Variants in EFNA3 observed in about 807,000 individuals in gnomAD.
EFNA3 encodes the protein ephrin-A3.
In EFNA3, 15 loss-of-function variants were observed where a neutral mutation model predicts 25.0. The ratio of observed to expected loss-of-function variants is 0.60; its 90% CI spans 0.40 to 0.92. The LOEUF (loss-of-function observed/expected upper bound fraction) is 0.92, where lower values mean the gene tolerates loss of function less well. EFNA3 is among the 40% of genes least tolerant of loss of function. The pLI is 0.00. For synonymous variants in EFNA3, 153 were observed against 145.6 expected (o/e 1.05, Z -0.37); for missense variants, 298 against 323.8 (o/e 0.92, Z 0.61).
Position 155,081,372 on chromosome 1 carries a change from G to C in EFNA3, c.128+2303G>C, listed in dbSNP as rs1028040685. 6.6e-6 allele frequency among the ~76,000 whole-genome samples: 1 copy of C among 152,246 alleles called. No homozygotes were observed. The highest frequency in any genetic ancestry group is 2.1e-4 in the South Asian group (1 of 4,836). Reference sequence around the variant, plus strand: ...CGAACTTGGTGAGGGGGGTTGGGACGGCCGATGGCCAAATATATGCCCCCT... The same window carrying C: ...CGAACTTGGTGAGGGGGGTTGGGACCGCCGATGGCCAAATATATGCCCCCT... On this transcript the variant is annotated intron_variant, in intron 1 of 4. Coordinates refer to ENST00000368408, the MANE Select transcript of EFNA3 (RefSeq NM_004952.5). The surrounding 1 kb of genome is among the most constrained non-coding windows in gnomAD (Gnocchi z 5.2).
Position 155,085,779 on chromosome 1 carries a change from C to G in EFNA3, c.443-98C>G. ...AGGGGAGCTCCTGAAGGAGACCGCC[C>G]GACGGGGACAGTTTGGAGGGGGTGA... On this transcript the variant is annotated intron_variant, in intron 2 of 4. Coordinates refer to ENST00000368408, the MANE Select transcript of EFNA3 (RefSeq NM_004952.5). This position sits in a 1 kb window ranked among gnomAD's most constrained non-coding sequence, Gnocchi z 4.4. 6.9e-7 allele frequency: 1 copy of G among 1,451,322 alleles called. No homozygotes were observed. Among genetic ancestry groups the G allele is most frequent in the South Asian group, 1.2e-5 (1 of 80,324 alleles). The allele number at this position is 1,451,322 out of a possible 1,614,324, so 89.9% of individuals were successfully genotyped here.
In EFNA3 at chr1:155,081,995, C is replaced by T. The variant is rs761675818; in HGVS notation, c.128+2926C>T. ...GGTGTCGGGCGCGCTGATTCTCCCC[C>T]ACCCGACGCGGCCCAGGGAAGCCTT... is the stretch of plus-strand genomic sequence containing the variant. On this transcript the variant is annotated intron_variant, in intron 1 of 4. Transcript: ENST00000368408. This position sits in a 1 kb window ranked among gnomAD's most constrained non-coding sequence, Gnocchi z 5.2. 6.6e-6 allele frequency among the ~76,000 whole-genome samples: 1 copy of T among 152,202 alleles called. No individual in the cohort carries two copies. The highest frequency in any genetic ancestry group is 1.5e-5 in the Non-Finnish European group (1 of 68,026).
At position 155,080,094 on chromosome 1, in the gene EFNA3, GTGTCTGTGTGT is replaced by G. The variant is rs1282157589; in HGVS notation, c.128+1027_128+1037del. Among the ~76,000 whole-genome samples the G allele has an allele frequency of 6.6e-6, 1 of 152,142 alleles. No individual in the cohort carries two copies. Among genetic ancestry groups the G allele is most frequent in the East Asian group, 1.9e-4 (1 of 5,184 alleles). On this transcript the variant is annotated intron_variant, in intron 1 of 4. Coordinates refer to ENST00000368408, the MANE Select transcript of EFNA3 (RefSeq NM_004952.5). This position sits in a 1 kb window ranked among gnomAD's most constrained non-coding sequence, Gnocchi z 7.0. ...TGTATCTCCCTGGCCACATCAGTGT[GTGTCTGTGTGT>G]TAGTAGGGGGAGATCCCTGGGGACG... is the stretch of plus-strand genomic sequence containing the variant.
chr1:155,081,855 C>T lies in EFNA3; in HGVS notation c.128+2786C>T, dbSNP rs1663348298. Among the ~76,000 whole-genome samples, 1 of 152,206 alleles carries T rather than the reference C, an allele frequency of 6.6e-6. No individual in the cohort carries two copies. Among genetic ancestry groups the T allele is most frequent in the African/African-American group, 2.4e-5 (1 of 41,460 alleles). On this transcript the variant is annotated intron_variant, in intron 1 of 4. Coordinates refer to ENST00000368408, the MANE Select transcript of EFNA3 (RefSeq NM_004952.5). The surrounding 1 kb of genome is among the most constrained non-coding windows in gnomAD (Gnocchi z 5.2). ...CCCTCCCCTTGTCGGTGTGTGTCTC[C>T]CCCTCACTCCGTCTCTGTGTCTCGC...
chr1:155,085,538 C>T lies in EFNA3; in HGVS notation c.442+134C>T. On this transcript the variant is annotated intron_variant, in intron 2 of 4. Transcript: ENST00000368408. This position sits in a 1 kb window ranked among gnomAD's most constrained non-coding sequence, Gnocchi z 4.4. ...CTCGCGGCTGAGACCAGGGAGGAGGCGTGGGCACGGGACGCCTGAGGGGTT... is the reference window on the plus strand; with the variant it reads ...CTCGCGGCTGAGACCAGGGAGGAGGTGTGGGCACGGGACGCCTGAGGGGTT... 4.3e-6 allele frequency: 5 copies of T among 1,152,516 alleles called. No homozygotes were observed. The highest frequency in any genetic ancestry group is 6.0e-6 in the Non-Finnish European group (5 of 838,676). 71.4% of individuals were successfully genotyped at this position (1,152,516 alleles called of 1,614,324 possible).
Position 155,085,124 on chromosome 1 carries a change from C to T in EFNA3, c.162C>T (p.Asn54=), listed in dbSNP as rs1357043483. 3 of 1,613,722 alleles carry T rather than the reference C, an allele frequency of 1.9e-6. No individual in the cohort carries two copies. ...LRREGYTVQV[N]VNDYLDIYCP... is the part of the protein sequence containing the mutation. The stretch of plus-strand genomic sequence containing the variant: ...GAGAGGGCTACACCGTGCAGGTGAA[C>T]GTGAACGACTATCTGGATATTTACT... Residue 54 remains asparagine (N), a synonymous_variant, in exon 2 of 5, where the codon AAC becomes AAT. Coordinates refer to ENST00000368408, the MANE Select transcript of EFNA3 (RefSeq NM_004952.5). The surrounding 1 kb of genome is among the most constrained non-coding windows in gnomAD (Gnocchi z 4.4).
At chr1:155,082,574 C>A (rs1030460327) in intron 1 of EFNA3, among the ~76,000 whole-genome samples, 6 of 152,138 alleles carry the variant, frequency 3.9e-5, no homozygotes, top group African/African-American at 1.4e-4. Context: ...CCAGGAGAGA[C>A]CGAAATAACG....
Position 155,080,839 on chromosome 1 carries a change from G to A in EFNA3, c.128+1770G>A, listed in dbSNP as rs915799524. Among the ~76,000 whole-genome samples, 2 of 152,132 alleles carry A rather than the reference G, an allele frequency of 1.3e-5. No individual in the cohort carries two copies. The highest frequency in any genetic ancestry group is 2.9e-5 in the Non-Finnish European group (2 of 67,990). On this transcript the variant is annotated intron_variant, in intron 1 of 4. Coordinates refer to ENST00000368408, the MANE Select transcript of EFNA3 (RefSeq NM_004952.5). This position sits in a 1 kb window ranked among gnomAD's most constrained non-coding sequence, Gnocchi z 7.0. ...TAGGAGGGGGCGCACACCGGGCCAG[G>A]AGGCTGCCGCCGCCCCCGCCTCGCT... is the stretch of plus-strand genomic sequence containing the variant.
Position 155,085,465 on chromosome 1 carries a change from G to T in EFNA3, c.442+61G>T, listed in dbSNP as rs1663436113. On this transcript the variant is annotated intron_variant, in intron 2 of 4. Coordinates refer to ENST00000368408, the MANE Select transcript of EFNA3 (RefSeq NM_004952.5). This position sits in a 1 kb window ranked among gnomAD's most constrained non-coding sequence, Gnocchi z 4.4. ...CGAGAGTCTGAGTGACAGCCGGGGG[G>T]TGGAGCCCCTAGGCTCCGGGGCGGG... is the stretch of plus-strand genomic sequence containing the variant. 2 of 1,466,164 alleles carry T rather than the reference G, an allele frequency of 1.4e-6. No homozygotes were observed. Among genetic ancestry groups the T allele is most frequent in the Non-Finnish European group, 1.8e-6 (2 of 1,103,784 alleles). 90.8% of individuals were successfully genotyped at this position (1,466,164 alleles called of 1,614,324 possible). A position where few individuals can be genotyped will look rare whatever the true frequency, so the allele number is the denominator to read the frequency against.
intron 1 of EFNA3, among the ~76,000 whole-genome samples, chr1:155,082,533 G>T (rs1663361741): frequency 6.6e-6 from 1 of 152,204 alleles, no homozygotes. Flanking sequence ...CGAGAGAGAG[G>T]TGTCGGGATG....
chr1:155,086,719 C>A lies in EFNA3; in HGVS notation c.*176C>A. The A allele has an allele frequency of 1.3e-6, 1 of 749,984 alleles. No individual in the cohort carries two copies. Among genetic ancestry groups the A allele is most frequent in the Non-Finnish European group, 2.1e-6 (1 of 479,760 alleles). The allele number at this position is 749,984 out of a possible 1,614,324, so 46.5% of individuals were successfully genotyped here. On this transcript the variant is annotated 3_prime_UTR_variant, in exon 5 of 5. Transcript: ENST00000368408. The stretch of plus-strand genomic sequence containing the variant: ...CTACCCCTTCCCCCCACGTAGGGCA[C>A]TGTAGTGGACCAAGCACGGGGACAG...
rs1160345239 is a variant in EFNA3 at position 155,080,430 on chromosome 1, G to A, written c.128+1361G>A. Among the ~76,000 whole-genome samples the A allele has an allele frequency of 6.6e-6, 1 of 152,060 alleles. No individual in the cohort carries two copies. The highest frequency in any genetic ancestry group is 1.5e-5 in the Non-Finnish European group (1 of 67,970). ...TTCCCATGGAAACCTCGGGGGTGGG[G>A]ACGTGGCCCCTCCCCCCCGGAGCGG... On this transcript the variant is annotated intron_variant, in intron 1 of 4. Coordinates refer to ENST00000368408, the MANE Select transcript of EFNA3 (RefSeq NM_004952.5). The surrounding 1 kb of genome is among the most constrained non-coding windows in gnomAD (Gnocchi z 7.0).
In EFNA3 at chr1:155,079,816, G is replaced by A. The variant is rs1396953730; in HGVS notation, c.128+747G>A. Among the ~76,000 whole-genome samples, 1 of 152,108 alleles carries A rather than the reference G, an allele frequency of 6.6e-6. No individual in the cohort carries two copies. Among genetic ancestry groups the A allele is most frequent in the Non-Finnish European group, 1.5e-5 (1 of 68,010 alleles). On this transcript the variant is annotated intron_variant, in intron 1 of 4. Transcript: ENST00000368408. This position sits in a 1 kb window ranked among gnomAD's most constrained non-coding sequence, Gnocchi z 7.7. ...GTGTGTCTGAGTGTGTGATTTGTGTGTCTGCGTCGGCGATCGTCTGGGGGT... is the reference window on the plus strand; with the variant it reads ...GTGTGTCTGAGTGTGTGATTTGTGTATCTGCGTCGGCGATCGTCTGGGGGT...
chr1:155,079,630 G>A lies in EFNA3; in HGVS notation c.128+561G>A, dbSNP rs1050266239. On this transcript the variant is annotated intron_variant, in intron 1 of 4. Coordinates refer to ENST00000368408, the MANE Select transcript of EFNA3 (RefSeq NM_004952.5). This position sits in a 1 kb window ranked among gnomAD's most constrained non-coding sequence, Gnocchi z 7.7. ...CTAGGGCTGGGTCGCTGAGTTGGGGGGCCCTGGGAATGCTGCTTGGTTAGG... is the reference window on the plus strand; with the variant it reads ...CTAGGGCTGGGTCGCTGAGTTGGGGAGCCCTGGGAATGCTGCTTGGTTAGG... 6.6e-6 allele frequency among the ~76,000 whole-genome samples: 1 copy of A among 152,162 alleles called. No individual in the cohort carries two copies. Among genetic ancestry groups the A allele is most frequent in the Non-Finnish European group, 1.5e-5 (1 of 68,018 alleles).
At position 155,079,443 on chromosome 1, in the gene EFNA3, G is replaced by A. The variant is rs1663301005; in HGVS notation, c.128+374G>A. ...AGGCCGCTGCATTTTGGGGCCCAGG[G>A]ATGACCTGTTTTTGGCCATGAGGGC... On this transcript the variant is annotated intron_variant, in intron 1 of 4. Transcript: ENST00000368408. This position sits in a 1 kb window ranked among gnomAD's most constrained non-coding sequence, Gnocchi z 7.7. Among the ~76,000 whole-genome samples the A allele has an allele frequency of 1.3e-5, 2 of 152,194 alleles. No homozygotes were observed. The highest frequency in any genetic ancestry group is 4.8e-5 in the African/African-American group (2 of 41,432).
chr1:155,083,945 T>TCTCCATTCAGAGGTTTCTCC (rs1663390372), intron 1 of EFNA3, among the ~76,000 whole-genome samples: 1 of 152,182 alleles, frequency 6.6e-6, no homozygotes, highest in African/African-American at 2.4e-5. Context: ...CGAGTTTCTT[T>TCTCCATTCAGAGGTTTCTCC]CTCCATTCAG....
intron 1 of EFNA3, among the ~76,000 whole-genome samples, chr1:155,082,502 G>C (rs1258395870): frequency 6.6e-6 from 1 of 152,212 alleles, no homozygotes; most frequent in Non-Finnish European, 1.5e-5. Context: ...AGCCAGGCGC[G>C]GGCCGGCAGG....
At chr1:155,082,225 C>T (rs1663356380) in intron 1 of EFNA3, among the ~76,000 whole-genome samples, 1 of 152,194 alleles carries the variant, frequency 6.6e-6, no homozygotes, top group South Asian at 2.1e-4. Context: ...CGCGCAGCCT[C>T]GGGGGCGCGC....
intron 4 of EFNA3, 75 bp from the exon 5 acceptor site, chr1:155,086,338 C>T (rs1203842500): frequency 8.8e-6 from 13 of 1,477,960 alleles, no homozygotes; most frequent in African/African-American, 3.9e-5. Context: ...TCCCTGGCTC[C>T]ATTGCTGCTG....
Sources: gnomAD v4.1 joint callset for allele counts (sites outside exome capture counted in the v4.1 genomes callset) on GRCh38, gnomAD v4.1.1 for gene constraint, Gnocchi (gnomAD v3.1) non-coding constraint, MANE v1.5 for transcripts, NCBI Gene and HGNC (gene_info 2026-07-23, HGNC 2026-07-21) for gene names.